KRT16: variants seen among roughly 807,000 people sequenced by gnomAD.
KRT16 encodes the protein keratin 16.
Under a neutral mutation model 44.8 loss-of-function variants are expected in KRT16, and 42 were observed. That is an observed-to-expected ratio of 0.94 (90% CI 0.73 to 1.21). The LOEUF (loss-of-function observed/expected upper bound fraction) is 1.21. Among genes scored for constraint, KRT16 ranks in the 50% most tolerant of loss-of-function variants. The probability of loss-of-function intolerance (pLI) is 0.00; values close to 1 mark genes in which losing one functional copy is unlikely to be tolerated. For synonymous variants in KRT16, 226 were observed against 260.4 expected (o/e 0.87, Z 1.27); for missense variants, 561 against 626.9 (o/e 0.89, Z 1.12).
At position 41,612,383 on chromosome 17, in the gene KRT16, A is replaced by C. The variant is rs151282702; in HGVS notation, c.306T>G (p.Phe102Leu). ...AGFGGGLGAG[F>L]GGGFAGGDGL... ...CATCACCACCAGCAAAACCACCACC[A>C]AAGCCAGCACCCAAGCCACCACCGA... is the stretch of plus-strand genomic sequence containing the variant. The change falls in exon 1 of 8, where the codon TTT (phenylalanine) becomes TTG (leucine). Residue 102 changes from phenylalanine to leucine, a missense_variant. Physicochemically the swap from Phe to Leu is conservative, Grantham distance 22. Transcript: ENST00000301653. 6.5e-4 allele frequency: 1,056 copies of C among 1,614,054 alleles called. 1 individual carries two copies. The highest frequency in any genetic ancestry group is 8.3e-4 in the Non-Finnish European group (985 of 1,179,998).
chr17:41,611,023 C>T, intron 4 of KRT16, 44 bp from the exon 5 acceptor site: 1 of 1,614,044 alleles, frequency 6.2e-7, no homozygotes, highest in South Asian at 1.1e-5. Context: ...CTCCCAAAGC[C>T]CCCAGCTGGG....
Position 41,612,540 on chromosome 17 carries a change from A to G in KRT16, c.149T>C (p.Leu50Pro), listed in dbSNP as rs1225935439. The G allele has an allele frequency of 4.4e-6, 7 of 1,596,202 alleles. No individual in the cohort carries two copies. Among genetic ancestry groups the G allele is most frequent in the Middle Eastern group, 2.1e-4 (1 of 4,676 alleles). The change falls in exon 1 of 8, where the codon CTG becomes CCG. Residue 50 changes from leucine (L) to proline (P), a missense_variant. Transcript: ENST00000301653. ...AGAGGAGAAGCGAGAGGAGACAGAC[A>G]GGCCGCCCCCGTAGGTGCTGGGGGC... is the stretch of plus-strand genomic sequence containing the variant. ...CRAPSTYGGG[L>P]SVSSRFSSGG...
At chr17:41,610,270 G>A (rs745725822) in intron 6 of KRT16, 34 bp from the exon 7 acceptor site, 17 of 1,613,596 alleles carry the variant, frequency 1.1e-5, no homozygotes. Flanking sequence ...AGTCAGTTGT[G>A]CTGAGAGCAG....
intron 5 of KRT16, 148 bp from the exon 6 acceptor site, chr17:41,610,699 A>G: frequency 1.4e-6 from 2 of 1,467,044 alleles, no homozygotes; most frequent in Non-Finnish European, 1.9e-6. Flanking sequence ...CTAGCCCACT[A>G]TTCTAGGGCT....
chr17:41,612,041 C>T (rs752401234), intron 1 of KRT16, 117 bp downstream of exon 1: 3 of 1,281,130 alleles, frequency 2.3e-6, no homozygotes, highest in South Asian at 2.4e-5. Flanking sequence ...TGATCCTGGC[C>T]ACTCCCCAAA....
In KRT16 at chr17:41,612,616, C is replaced by G. The variant is rs780828113; in HGVS notation, c.73G>C (p.Gly25Arg). Residue 25 changes from glycine to arginine, a missense_variant, in exon 1 of 8, where the codon GGG (glycine) becomes CGG (arginine). Gly to Arg is a moderately radical substitution (Grantham distance 125). Transcript: ENST00000301653. Reference sequence around the variant, plus strand: ...GAGGAGATGCGGCTGGAGCCGCCCCCGATGCCGCCTCCGATGCCGCAGGAG... The same window carrying G: ...GAGGAGATGCGGCTGGAGCCGCCCCGGATGCCGCCTCCGATGCCGCAGGAG... ...KGSCGIGGGI[G>R]GGSSRISSVL... The G allele has an allele frequency of 6.3e-7, 1 of 1,596,580 alleles. No homozygotes were observed. The highest frequency in any genetic ancestry group is 1.3e-5 in the African/African-American group (1 of 74,608).
chr17:41,610,281 C>A, intron 6 of KRT16, 45 bp from the exon 7 acceptor site: 1 of 1,613,684 alleles, frequency 6.2e-7, no homozygotes, highest in Non-Finnish European at 8.5e-7. Context: ...CTGAGAGCAG[C>A]AGGGGGGCTA....
Position 41,612,264 on chromosome 17 carries a change from T to G in KRT16, c.425A>C (p.Asn142Thr). The change falls in exon 1 of 8, where the codon AAC (asparagine) becomes ACC (threonine). Residue 142 changes from asparagine to threonine, a missense_variant. Transcript: ENST00000301653. ...LDKVRALEEA[N>T]ADLEVKIRDW... ...ACGGATCTTCACTTCCAGGTCGGCG[T>G]TGGCCTCCTCCAGAGCACGCACCTT... 3.1e-6 allele frequency: 5 copies of G among 1,613,944 alleles called. No homozygotes were observed. Among genetic ancestry groups the G allele is most frequent in the Non-Finnish European group, 4.2e-6 (5 of 1,180,030 alleles).
Position 41,611,056 on chromosome 17 carries a change from G to C in KRT16, c.933+13C>G, listed in dbSNP as rs753274079. 4.2e-5 allele frequency: 68 copies of C among 1,613,890 alleles called. No individual in the cohort carries two copies. Among genetic ancestry groups the C allele is most frequent in the Admixed American group, 3.8e-4 (23 of 60,000 alleles). On this transcript the variant is annotated intron_variant, in intron 4 of 7. Coordinates refer to ENST00000301653, the MANE Select transcript of KRT16 (RefSeq NM_005557.4). ...GGGAAGTGCTGCAGGCTCACTGCGG[G>C]CCCGAGCCCCACCTTGCTCAGGAAC...
Position 41,610,279 on chromosome 17 carries a change from A to G in KRT16, c.1281-43T>C, listed in dbSNP as rs527635390. 31 of 1,613,730 alleles carry G rather than the reference A, an allele frequency of 1.9e-5. 1 individual carries two copies. The South Asian group carries it at 3.4e-4, about 18-fold the overall frequency. On this transcript the variant is annotated intron_variant, in intron 6 of 7. Transcript: ENST00000301653. ...CAGGGCAGTCAGTTGTGCTGAGAGC[A>G]GCAGGGGGGCTAAAGGGTCTGGGAG...
rs1597684997 is a variant in KRT16, at chr17:41,610,893, G to A, written c.1020C>T (p.Leu340=). The A allele has an allele frequency of 6.2e-7, 1 of 1,614,086 alleles. No individual in the cohort carries two copies. The highest frequency in any genetic ancestry group is 8.5e-7 in the Non-Finnish European group (1 of 1,180,030). Residue 340 remains leucine, a synonymous_variant, in exon 5 of 8, where the codon CTC becomes CTT. Transcript: ENST00000301653. ...ACTGCAGCTCAATCTCCAGGCCCTGGAGCACCCTCCGGAGCTCCGTCACCT... is the reference window on the plus strand; with the variant it reads ...ACTGCAGCTCAATCTCCAGGCCCTGAAGCACCCTCCGGAGCTCCGTCACCT... The part of the protein sequence containing the change: ...RSEVTELRRV[L]QGLEIELQSQ...
At position 41,612,230 on chromosome 17, in the gene KRT16, G is replaced by A. The variant is rs1386425720; in HGVS notation, c.459C>T (p.Tyr153=). The change falls in exon 1 of 8, where the codon TAC becomes TAT. Residue 153 remains tyrosine, a synonymous_variant. Transcript: ENST00000301653. The part of the protein sequence containing the change: ...ADLEVKIRDW[Y]QRQRPSEIKD... ...TGATCTCACTGGGCCGCTGCCTCTGGTACCAGTCACGGATCTTCACTTCCA... is the reference window on the plus strand; with the variant it reads ...TGATCTCACTGGGCCGCTGCCTCTGATACCAGTCACGGATCTTCACTTCCA... The A allele has an allele frequency of 3.1e-6, 5 of 1,613,330 alleles. No individual in the cohort carries two copies. Among genetic ancestry groups the A allele is most frequent in the Non-Finnish European group, 4.2e-6 (5 of 1,180,014 alleles).
Position 41,611,650 on chromosome 17 carries a change from G to A in KRT16, c.603C>T (p.Asp201=), listed in dbSNP as rs1277308645. The A allele has an allele frequency of 8.1e-6, 13 of 1,611,456 alleles. No individual in the cohort carries two copies. Among genetic ancestry groups the A allele is most frequent in the Non-Finnish European group, 9.3e-6 (11 of 1,179,630 alleles). The change falls in exon 2 of 8, where the codon GAC becomes GAT. Residue 201 remains aspartate (D), a synonymous_variant. Transcript: ENST00000301653. ...QIDNARLAAD[D]FRTKYEHELA... is the part of the protein sequence containing the mutation. Reference sequence around the variant, plus strand: ...TGCTGGCTGCTCACTTGGTCCTGAAGTCATCGGCTGCCAGCCTGGCATTGT... The same window carrying A: ...TGCTGGCTGCTCACTTGGTCCTGAAATCATCGGCTGCCAGCCTGGCATTGT...
chr17:41,611,039 C>A (rs1220688328), intron 4 of KRT16, 30 bp downstream of exon 4: 1 of 1,614,026 alleles, frequency 6.2e-7, no homozygotes, highest in Non-Finnish European at 8.5e-7. Context: ...CTGGGAAGTG[C>A]TGCAGGCTCA....
Position 41,611,202 on chromosome 17 carries a change from C to T in KRT16, c.800G>A (p.Gly267Asp), listed in dbSNP as rs2144603205. The T allele has an allele frequency of 2.5e-6, 4 of 1,614,018 alleles. No homozygotes were observed. Among genetic ancestry groups the T allele is most frequent in the African/African-American group, 1.3e-5 (1 of 75,058 alleles). Residue 267 changes from glycine (G) to aspartate (D), a missense_variant, in exon 4 of 8, where the codon GGC becomes GAC. Gly to Asp is a moderately conservative substitution (Grantham distance 94). Coordinates refer to ENST00000301653, the MANE Select transcript of KRT16 (RefSeq NM_005557.4). Reference sequence around the variant, plus strand: ...ATCCATCTCCACGTTCACATCTCCGCCGGTCTGACCTCTCAGAGCAAGCAT... The same window carrying T: ...ATCCATCTCCACGTTCACATCTCCGTCGGTCTGACCTCTCAGAGCAAGCAT... The part of the protein sequence containing the change: ...EEMLALRGQT[G>D]GDVNVEMDAA...
chr17:41,612,503 G>A lies in KRT16; in HGVS notation c.186C>T (p.Cys62=), dbSNP rs200450332. 1.0e-4 allele frequency: 160 copies of A among 1,603,754 alleles called. No homozygotes were observed. Among genetic ancestry groups the A allele is most frequent in the Admixed American group, 6.0e-4 (35 of 58,048 alleles). ...VSSRFSSGGA[C]GLGGGYGGGF... ...CACCGCCATAGCCGCCCCCCAGCCC[G>A]CAGGCTCCCCCAGAGGAGAAGCGAG... The change falls in exon 1 of 8, where the codon TGC becomes TGT. Residue 62 remains cysteine (C), a synonymous_variant. Transcript: ENST00000301653.
Position 41,612,746 on chromosome 17 carries a change from A to T in KRT16, c.-58T>A. The T allele has an allele frequency of 6.5e-7, 1 of 1,541,458 alleles. No homozygotes were observed. Among genetic ancestry groups the T allele is most frequent in the Non-Finnish European group, 8.7e-7 (1 of 1,148,614 alleles). On this transcript the variant is annotated 5_prime_UTR_variant, in exon 1 of 8. Coordinates refer to ENST00000301653, the MANE Select transcript of KRT16 (RefSeq NM_005557.4). ...TTGGCTGAAAGAAGGAAAGGTGCTC[A>T]GGAAGGCTGAGAGCGTGCTGTGGCT...
chr17:41,610,556 A>C lies in KRT16; in HGVS notation c.1060-5T>G. On this transcript the variant is annotated splice_polypyrimidine_tract_variant and splice_region_variant and intron_variant, in intron 5 of 7. Transcript: ENST00000301653. ...GCTGTTCTCCAGGGATGCTTTCTGC[A>C]AGTGAGAGAGAGAAAAAGAGTCCAT... 8 of 1,612,010 alleles carry C rather than the reference A, an allele frequency of 5.0e-6. No homozygotes were observed. The highest frequency in any genetic ancestry group is 6.8e-6 in the Non-Finnish European group (8 of 1,179,830).
chr17:41,610,645 G>T, intron 5 of KRT16, 94 bp from the exon 6 acceptor site: 4 of 1,522,678 alleles, frequency 2.6e-6, no homozygotes, highest in South Asian at 2.3e-5. Flanking sequence ...CCTGGATTTT[G>T]ATCCCAGTTG....
Sources: allele counts gnomAD v4.1 joint callset, GRCh38; gene constraint gnomAD v4.1.1; transcripts MANE v1.5; gene names NCBI Gene and HGNC (gene_info 2026-07-23, HGNC 2026-07-21).